Variants in PALMD observed in about 807,000 individuals in gnomAD.
The protein encoded by PALMD is paralemmin-like protein.
Under a neutral mutation model 56.2 loss-of-function variants are expected in PALMD, and 42 were observed. The ratio of observed to expected loss-of-function variants is 0.75; its 90% CI spans 0.58 to 0.97. The LOEUF (loss-of-function observed/expected upper bound fraction) is 0.97, where lower values mean the gene tolerates loss of function less well. PALMD is among the 50% of genes least tolerant of loss of function. The probability of loss-of-function intolerance (pLI) is 0.00; values close to 1 mark genes in which losing one functional copy is unlikely to be tolerated. For synonymous variants in PALMD, 242 were observed against 222.9 expected, an observed-to-expected ratio of 1.09 and a Z score of -0.76; for missense variants, 660 against 643.8, an observed-to-expected ratio of 1.03 and a Z score of -0.27.
chr1:99,671,336 C>T (rs1255213082), intron 3 of PALMD, among the ~76,000 whole-genome samples: 1 of 152,118 alleles, frequency 6.6e-6, no homozygotes, highest in African/African-American at 2.4e-5. Flanking sequence ...CATTCAAATC[C>T]CTCTTCTGCT....
chr1:99,652,679 GGAAAGGAAAGGAAAGGAAAAGAAAA>G (rs1227972890), intron 1 of PALMD, among the ~76,000 whole-genome samples: 66 of 91,344 alleles, frequency 7.2e-4, no homozygotes, highest in East Asian at 3.0e-3. Context: ...GGAAAGGAAA[GGAAAGGAAAGGAAAGGAAAAGAAAA>G]GAAAAGAAAA....
At chr1:99,649,892 C>T (rs1027109093) in intron 1 of PALMD, among the ~76,000 whole-genome samples, 10 of 152,268 alleles carry the variant, frequency 6.6e-5, no homozygotes, top group African/African-American at 2.2e-4. Flanking sequence ...TTTTTATTCT[C>T]CTCCAGGCTT....
At chr1:99,656,449 G>A (rs758714050) in intron 1 of PALMD, among the ~76,000 whole-genome samples, 14 of 151,918 alleles carry the variant, frequency 9.2e-5, no homozygotes, top group African/African-American at 1.5e-4. Context: ...AGCAGTTTCC[G>A]CTAGTGTTCT....
At chr1:99,679,098 C>A (rs1036013163) in intron 3 of PALMD, among the ~76,000 whole-genome samples, 4 of 152,064 alleles carry the variant, frequency 2.6e-5, no homozygotes, top group African/African-American at 9.7e-5. Flanking sequence ...CAGGCCATCC[C>A]AGAGAAATAG....
chr1:99,662,428 T>C, intron 2 of PALMD, 29 bp downstream of exon 2: 1 of 1,235,798 alleles, frequency 8.1e-7, no homozygotes, highest in Non-Finnish European at 1.2e-6. Flanking sequence ...TTCATTTCAA[T>C]GATTTTGTAT....
At position 99,689,754 on chromosome 1, in the gene PALMD, C is replaced by T; in HGVS notation, c.1494C>T (p.Ser498=). The change falls in exon 7 of 8, where the codon TCC becomes TCT. Residue 498 remains serine, a synonymous_variant. Coordinates refer to ENST00000263174, the MANE Select transcript of PALMD (RefSeq NM_017734.5). ...ASPHENTNHK[S]PHKNSISLKE... ...CTCATGAAAACACAAATCATAAATCCCCCCACAAAAATTCCATATCTCTGA... is the reference window on the plus strand; with the variant it reads ...CTCATGAAAACACAAATCATAAATCTCCCCACAAAAATTCCATATCTCTGA... 6.2e-7 allele frequency: 1 copy of T among 1,613,790 alleles called. No homozygotes were observed. The highest frequency in any genetic ancestry group is 8.5e-7 in the Non-Finnish European group (1 of 1,179,860).
chr1:99,672,293 T>C (rs914364301), intron 3 of PALMD, among the ~76,000 whole-genome samples: 18 of 152,146 alleles, frequency 1.2e-4, no homozygotes, highest in African/African-American at 4.1e-4. Flanking sequence ...GGAGGAAATG[T>C]TCCCAGGGGA....
chr1:99,667,509 A>T, intron 2 of PALMD, 133 bp from the exon 3 acceptor site: 1 of 749,682 alleles, frequency 1.3e-6, no homozygotes, highest in Non-Finnish European at 2.3e-6. Flanking sequence ...AGATTTATTC[A>T]GGCAAGGCAC....
intron 6 of PALMD, 27 bp downstream of exon 6, chr1:99,687,216 CA>C: frequency 6.4e-7 from 1 of 1,571,496 alleles, no homozygotes; most frequent in African/African-American, 1.4e-5. Flanking sequence ...TGTTGAAGGG[CA>C]TGTTCTTAAT....
intron 3 of PALMD, among the ~76,000 whole-genome samples, chr1:99,677,212 A>C (rs534437023): frequency 3.3e-5 from 5 of 152,246 alleles, no homozygotes; most frequent in Non-Finnish European, 7.4e-5. Flanking sequence ...AACAACCTGA[A>C]ATGCAAGATA....
chr1:99,662,425 C>CA (rs775524707), intron 2 of PALMD, 26 bp downstream of exon 2: 1 of 1,275,418 alleles, frequency 7.8e-7, no homozygotes, highest in South Asian at 1.3e-5. Flanking sequence ...AATTTCATTT[C>CA]AATGATTTTG....
At chr1:99,686,902 A>T in intron 4 of PALMD, 28 bp from the exon 5 acceptor site, 1 of 1,504,910 alleles carries the variant, frequency 6.6e-7, no homozygotes, top group African/African-American at 1.4e-5. Context: ...AAACTGTATT[A>T]ATCATGGAGA....
At chr1:99,652,740 G>GAAAGA (rs113178621) in intron 1 of PALMD, among the ~76,000 whole-genome samples, 1 of 77,168 alleles carries the variant, frequency 1.3e-5, no homozygotes, top group African/African-American at 5.4e-5. Flanking sequence ...GAAAAGAAAA[G>GAAAGA]AAAGAAAACT....
chr1:99,690,498 A>G (rs17120949), intron 7 of PALMD, among the ~76,000 whole-genome samples: 7,237 of 152,078 alleles, frequency 0.048, 275 homozygotes, highest in African/African-American at 0.11. Flanking sequence ...TTTTCTATAT[A>G]TTTGCATTTC....
intron 7 of PALMD, among the ~76,000 whole-genome samples, chr1:99,692,771 T>C (rs1024148896): frequency 2.6e-5 from 4 of 152,198 alleles, no homozygotes; most frequent in Non-Finnish European, 5.9e-5. Flanking sequence ...AGTATAAACT[T>C]CATAAAGACT....
intron 2 of PALMD, among the ~76,000 whole-genome samples, 179 bp downstream of exon 2, chr1:99,662,578 C>G (rs1652870449): frequency 6.6e-6 from 1 of 152,116 alleles, no homozygotes; most frequent in Admixed American, 6.6e-5. Context: ...AGATTAATAC[C>G]TTCTAGCAAA....
At chr1:99,663,191 C>T (rs1362337711) in intron 2 of PALMD, among the ~76,000 whole-genome samples, 1 of 152,172 alleles carries the variant, frequency 6.6e-6, no homozygotes, top group African/African-American at 2.4e-5. Context: ...CAACTGACTT[C>T]ATTTTTCTAA....
At chr1:99,681,289 C>T (rs957999143) in intron 3 of PALMD, among the ~76,000 whole-genome samples, 1 of 152,034 alleles carries the variant, frequency 6.6e-6, no homozygotes, top group African/African-American at 2.4e-5. Flanking sequence ...AGAGTTCAGA[C>T]TCTGTAAGTA....
At chr1:99,672,382 T>C (rs1331827177) in intron 3 of PALMD, among the ~76,000 whole-genome samples, 1 of 152,202 alleles carries the variant, frequency 6.6e-6, no homozygotes, top group South Asian at 2.1e-4. Flanking sequence ...GCCCTGCGCT[T>C]ACTGCGACCA....
Sources: gnomAD v4.1 joint callset for allele counts (sites outside exome capture counted in the v4.1 genomes callset) on GRCh38, gnomAD v4.1.1 for gene constraint, MANE v1.5 for transcripts, NCBI Gene and HGNC (gene_info 2026-07-23, HGNC 2026-07-21) for gene names.